Variants in MRTFA observed in about 807,000 individuals in gnomAD.
MRTFA encodes myocardin-related transcription factor A.
MRTFA carries 20 observed loss-of-function variants against 83.5 expected under a neutral mutation model. That is an observed-to-expected ratio of 0.24 (90% confidence interval 0.17 to 0.35). The LOEUF is 0.35. MRTFA is among the 10% of genes least tolerant of loss of function. The pLI, the probability that MRTFA is intolerant of heterozygous loss-of-function variation, is 1.00. For missense variants in MRTFA, 1,200 were observed against 1,224.7 expected (o/e 0.98, Z 0.30); for synonymous variants, 659 against 541.2 (o/e 1.22, Z -3.02).
chr22:40,458,928 G>A (rs749724369), intron 4 of MRTFA, among the ~76,000 whole-genome samples: 1 of 151,960 alleles, frequency 6.6e-6, no homozygotes, highest in Non-Finnish European at 1.5e-5. Context: ...ACAAAAATTA[G>A]CTGGGTATGG....
intron 4 of MRTFA, among the ~76,000 whole-genome samples, chr22:40,445,109 C>T (rs2053351414): frequency 5.9e-5 from 9 of 152,048 alleles, no homozygotes; most frequent in Admixed American, 5.9e-4. Context: ...CTGGTGACTG[C>T]CATATATTAA....
chr22:40,558,816 A>G (rs905787348), intron 2 of MRTFA, among the ~76,000 whole-genome samples: 1 of 148,050 alleles, frequency 6.8e-6, no homozygotes, highest in African/African-American at 2.5e-5. Flanking sequence ...TTTTTGAGAC[A>G]GTCTCGCTCC....
chr22:40,590,907 G>A (rs1377233874), intron 2 of MRTFA, among the ~76,000 whole-genome samples: 1 of 151,940 alleles, frequency 6.6e-6, no homozygotes, highest in East Asian at 1.9e-4. Flanking sequence ...GCCAAGGCAG[G>A]CAGATCACAA....
At position 40,424,423 on chromosome 22, in the gene MRTFA, G is replaced by A. The variant is rs1256798109; in HGVS notation, c.602-42C>T. The A allele has an allele frequency of 2.5e-6, 4 of 1,601,026 alleles. No individual in the cohort carries two copies. The African/African-American group carries it at 4.0e-5, about 16-fold the overall frequency. ...GTGTGAGATTCCACTTCCAGCCCAG[G>A]GAACAGATGAGCAGGGACAGGCCTG... On this transcript the variant is annotated intron_variant, in intron 7 of 14. Coordinates refer to ENST00000355630, the MANE Select transcript of MRTFA (RefSeq NM_020831.6).
chr22:40,591,092 G>A (rs191162873), intron 2 of MRTFA, among the ~76,000 whole-genome samples: 29 of 151,994 alleles, frequency 1.9e-4, no homozygotes, highest in Non-Finnish European at 3.4e-4. Flanking sequence ...CTGAGATCGC[G>A]CCACTGCACT....
Position 40,533,565 on chromosome 22 carries a change from G to C in MRTFA, c.241+18541C>G, listed in dbSNP as rs942002307. The C allele has an allele frequency of 3.0e-5, 37 of 1,214,836 alleles. No homozygotes were observed. In the African/African-American group the frequency reaches 5.0e-4, roughly 16 times the overall value. 75.3% of individuals were successfully genotyped at this position (1,214,836 alleles called of 1,614,324 possible). ...TTTGTAGGAAATTATTAGCAAGTTA[G>C]GAAATTAGGATTTATGTGAATTACC... On this transcript the variant is annotated intron_variant, in intron 3 of 14. Transcript: ENST00000355630.
intron 3 of MRTFA, among the ~76,000 whole-genome samples, chr22:40,502,760 C>G (rs1233617363): frequency 6.6e-6 from 1 of 151,766 alleles, no homozygotes; most frequent in Non-Finnish European, 1.5e-5. Context: ...CGCTGCCTCC[C>G]GGGCGGCGCT....
At chr22:40,599,950 G>A (rs2056238631) in intron 1 of MRTFA, among the ~76,000 whole-genome samples, 2 of 147,434 alleles carry the variant, frequency 1.4e-5, no homozygotes, top group South Asian at 4.3e-4. Context: ...ATGGAATGAA[G>A]AGGGGAAAAA....
At position 40,416,754 on chromosome 22, in the gene MRTFA, C is replaced by T. The variant is rs1602200690; in HGVS notation, c.2578+232G>A. On this transcript the variant is annotated intron_variant, in intron 14 of 14. Transcript: ENST00000355630. The surrounding 1 kb of genome is among the most constrained non-coding windows in gnomAD (Gnocchi z 4.2). Reference sequence around the variant, plus strand: ...CACAAGGGCAAATGTCTCTTCTGTTCGTTGGGAGGCGAGGGCCTTGGGGCA... The same window carrying T: ...CACAAGGGCAAATGTCTCTTCTGTTTGTTGGGAGGCGAGGGCCTTGGGGCA... Among the ~76,000 whole-genome samples the T allele has an allele frequency of 1.3e-5, 2 of 152,236 alleles. No individual in the cohort carries two copies. The highest frequency in any genetic ancestry group is 1.5e-5 in the Non-Finnish European group (1 of 68,040).
intron 2 of MRTFA, among the ~76,000 whole-genome samples, chr22:40,582,242 T>C (rs935838213): frequency 3.3e-5 from 5 of 152,244 alleles, no homozygotes; most frequent in Non-Finnish European, 7.3e-5. Flanking sequence ...AAGCATGTAT[T>C]GGTACACCAT....
rs1556012318 is a variant in MRTFA at position 40,574,440 on chromosome 22, A to ATTTTTT, written c.-22+20228_-22+20233dup. On this transcript the variant is annotated intron_variant, in intron 2 of 14. Coordinates refer to ENST00000355630, the MANE Select transcript of MRTFA (RefSeq NM_020831.6). ...CACTGCATTAGTTATTATTATTATT[A>ATTTTTT]TTTTTTTTTTTTGAGATGGAGCCTT... 2.7e-5 allele frequency among the ~76,000 whole-genome samples: 4 copies of ATTTTTT among 147,794 alleles called. No individual in the cohort carries two copies. In the Middle Eastern group the frequency reaches 0.011, roughly 390 times the overall value.
At chr22:40,525,249 G>C (rs541367289) in intron 3 of MRTFA, among the ~76,000 whole-genome samples, 1 of 152,278 alleles carries the variant, frequency 6.6e-6, no homozygotes, top group Non-Finnish European at 1.5e-5. Flanking sequence ...TCATATTCTG[G>C]TGTATAGCCT....
At chr22:40,554,720 A>C (rs918075322) in intron 2 of MRTFA, among the ~76,000 whole-genome samples, 1 of 152,236 alleles carries the variant, frequency 6.6e-6, no homozygotes, top group Non-Finnish European at 1.5e-5. Flanking sequence ...CGATGCTAAT[A>C]TTATAAATTA....
intron 1 of MRTFA, among the ~76,000 whole-genome samples, chr22:40,614,999 C>T (rs1052507323): frequency 6.6e-6 from 1 of 151,624 alleles, no homozygotes; most frequent in South Asian, 2.1e-4. Flanking sequence ...TAATAAAGTG[C>T]AATTTATCAA....
At chr22:40,525,613 A>C (rs2054956169) in intron 3 of MRTFA, among the ~76,000 whole-genome samples, 1 of 152,210 alleles carries the variant, frequency 6.6e-6, no homozygotes, top group Non-Finnish European at 1.5e-5. Context: ...ATTTTGATTC[A>C]TACCCACTGA....
intron 4 of MRTFA, among the ~76,000 whole-genome samples, chr22:40,461,203 T>TAA (rs2053704672): frequency 2.9e-5 from 1 of 34,954 alleles, no homozygotes; most frequent in African/African-American, 1.2e-4. Flanking sequence ...AGAACTTGTC[T>TAA]CAAAAAAAAA....
chr22:40,497,718 A>C (rs2054380105), intron 3 of MRTFA, among the ~76,000 whole-genome samples: 1 of 152,072 alleles, frequency 6.6e-6, no homozygotes, highest in African/African-American at 2.4e-5. Context: ...GCACCACTGC[A>C]CTTCAGCCTG....
chr22:40,566,828 G>A (rs748221225), intron 2 of MRTFA, among the ~76,000 whole-genome samples: 8 of 152,090 alleles, frequency 5.3e-5, no homozygotes, highest in South Asian at 2.1e-4. Context: ...GCAAGACTCC[G>A]TCTCAAAAAA....
intron 3 of MRTFA, among the ~76,000 whole-genome samples, chr22:40,551,378 T>C (rs2055442017): frequency 6.6e-6 from 1 of 152,148 alleles, no homozygotes; most frequent in Non-Finnish European, 1.5e-5. Context: ...TTTGTTTGTT[T>C]GTTTATTTGA....
Sources: allele counts gnomAD v4.1 joint callset (sites outside exome capture counted in the v4.1 genomes callset), GRCh38; gene constraint gnomAD v4.1.1; non-coding constraint Gnocchi (gnomAD v3.1); transcripts MANE v1.5; gene names NCBI Gene and HGNC (gene_info 2026-07-23, HGNC 2026-07-21).